SRGAP2C: variants seen among roughly 807,000 people sequenced by gnomAD.
SRGAP2C encodes SLIT-ROBO Rho GTPase-activating protein 2C.
A neutral mutation model predicts 25.1 loss-of-function variants in SRGAP2C; 15 were observed. That is an observed-to-expected ratio of 0.60 (90% CI 0.40 to 0.92). The LOEUF is 0.92. SRGAP2C is among the 40% of genes least tolerant of loss of function. The probability of loss-of-function intolerance (pLI) is 0.00; values close to 1 mark genes in which losing one functional copy is unlikely to be tolerated. For synonymous variants in SRGAP2C, 44 were observed against 96.6 expected, an observed-to-expected ratio of 0.46 and a Z score of 3.19; for missense variants, 144 against 264.4, an observed-to-expected ratio of 0.54 and a Z score of 3.16.
chr1:121,259,739 A>G (rs1656568844), intron 2 of SRGAP2C, among the ~76,000 whole-genome samples: 2 of 151,232 alleles, frequency 1.3e-5, no homozygotes, highest in Non-Finnish European at 3.0e-5. Flanking sequence ...GAATATATAA[A>G]TTGCTAGTGT....
chr1:121,358,674 G>A (rs1339028301), intron 4 of SRGAP2C, among the ~76,000 whole-genome samples: 1 of 145,990 alleles, frequency 6.8e-6, no homozygotes, highest in Admixed American at 6.9e-5. Context: ...TACTGAAGCT[G>A]GATCATTATA....
At chr1:121,279,949 T>G (rs1247045736) in intron 2 of SRGAP2C, among the ~76,000 whole-genome samples, 48 of 151,080 alleles carry the variant, frequency 3.2e-4, no homozygotes, top group African/African-American at 1.1e-3. Context: ...GTTGGGTTAT[T>G]TTCCCCTTCA....
At chr1:121,191,504 C>T (rs1186013881) in intron 2 of SRGAP2C, among the ~76,000 whole-genome samples, 4 of 148,428 alleles carry the variant, frequency 2.7e-5, no homozygotes, top group Middle Eastern at 6.5e-3. Context: ...ATGGGGAGGG[C>T]TGATGTACAT....
At chr1:121,254,273 C>T (rs1344209689) in intron 2 of SRGAP2C, among the ~76,000 whole-genome samples, 4 of 120,838 alleles carry the variant, frequency 3.3e-5, no homozygotes, top group Non-Finnish European at 7.1e-5. Context: ...CTTTCCCCAA[C>T]CCCCTAGTTT....
chr1:121,304,998 C>A (rs1470225752), intron 3 of SRGAP2C, among the ~76,000 whole-genome samples: 1 of 152,140 alleles, frequency 6.6e-6, no homozygotes, highest in Non-Finnish European at 1.5e-5. Flanking sequence ...TAAGTCAGGG[C>A]TTTAGCAGAA....
At chr1:121,354,337 CTCTCTCTCTT>C (rs1284949736) in intron 4 of SRGAP2C, among the ~76,000 whole-genome samples, 2 of 63,680 alleles carry the variant, frequency 3.1e-5, no homozygotes, top group African/African-American at 7.8e-5. Context: ...TTTTCTTTCT[CTCTCTCTCTT>C]TCTCTCTCTC....
intron 2 of SRGAP2C, among the ~76,000 whole-genome samples, chr1:121,233,111 A>G: frequency 7.6e-6 from 1 of 131,696 alleles, no homozygotes; most frequent in African/African-American, 2.9e-5. Flanking sequence ...GAGTTCAAAC[A>G]ACTGAGGTGG....
intron 4 of SRGAP2C, among the ~76,000 whole-genome samples, chr1:121,335,659 C>T (rs1357307771): frequency 6.6e-6 from 1 of 150,856 alleles, no homozygotes; most frequent in African/African-American, 2.4e-5. Flanking sequence ...CGCTGTGGTT[C>T]CCAGGCTAGG....
intron 2 of SRGAP2C, among the ~76,000 whole-genome samples, chr1:121,189,107 T>TTTTC (rs1654604755): frequency 1.0e-5 from 1 of 95,260 alleles, no homozygotes; most frequent in Non-Finnish European, 2.1e-5. Context: ...TTTTTTTTTT[T>TTTTC]TTTTTTTTTT....
intron 3 of SRGAP2C, among the ~76,000 whole-genome samples, chr1:121,296,218 C>T (rs1285167841): frequency 6.6e-6 from 1 of 151,840 alleles, no homozygotes; most frequent in African/African-American, 2.4e-5. Context: ...GTATGCAGGG[C>T]TAAAGAGATT....
chr1:121,270,130 A>T (rs1255969256), intron 2 of SRGAP2C, among the ~76,000 whole-genome samples: 2 of 140,372 alleles, frequency 1.4e-5, no homozygotes, highest in African/African-American at 5.2e-5. Flanking sequence ...TCTCAAGACG[A>T]GTTCGTGGGT....
chr1:121,273,954 C>T (rs1553335715), intron 2 of SRGAP2C, among the ~76,000 whole-genome samples: 1 of 151,478 alleles, frequency 6.6e-6, no homozygotes. Context: ...ACAGCCATTG[C>T]AACAGGAACT....
chr1:121,279,814 A>G (rs1432758595), intron 2 of SRGAP2C, among the ~76,000 whole-genome samples: 5 of 141,284 alleles, frequency 3.5e-5, no homozygotes, highest in African/African-American at 1.3e-4. Flanking sequence ...TGTCATGGCC[A>G]AGCCTACGGC....
At chr1:121,384,922 C>G (rs1343574096) in intron 8 of SRGAP2C, among the ~76,000 whole-genome samples, 2 of 152,328 alleles carry the variant, frequency 1.3e-5, no homozygotes, top group East Asian at 3.9e-4. Flanking sequence ...TCTGCCAGGG[C>G]CCTCCCTTTA....
At chr1:121,372,879 G>GCACACACA (rs199523525) in intron 5 of SRGAP2C, among the ~76,000 whole-genome samples, 1 of 63,200 alleles carries the variant, frequency 1.6e-5, no homozygotes, top group Non-Finnish European at 3.4e-5. Context: ...ACACACACAT[G>GCACACACA]CACACACACA....
At chr1:121,310,740 T>A (rs1490652868) in intron 3 of SRGAP2C, among the ~76,000 whole-genome samples, 2 of 88,300 alleles carry the variant, frequency 2.3e-5, no homozygotes, top group African/African-American at 8.0e-5. Context: ...GTTGTAGGTA[T>A]GCGGCGTTAT....
chr1:121,294,586 G>GGC (rs1657557006), intron 3 of SRGAP2C, among the ~76,000 whole-genome samples: 1 of 75,824 alleles, frequency 1.3e-5, no homozygotes, highest in Non-Finnish European at 2.9e-5. Flanking sequence ...ATAATGCATT[G>GGC]GCTGTTTTTT....
rs1247317584 is a variant in SRGAP2C, at chr1:121,318,678, C to T, written c.261-5800C>T. Among the ~76,000 whole-genome samples the T allele has an allele frequency of 3.4e-5, 3 of 87,242 alleles. 1 individual carries two copies. The South Asian group carries it at 9.5e-4, about 28-fold the overall frequency. The allele number at this position is 87,242 out of a possible 152,430, so 57.2% of individuals were successfully genotyped here. A position where few individuals can be genotyped will look rare whatever the true frequency, so the allele number is the denominator to read the frequency against. On this transcript the variant is annotated intron_variant, in intron 3 of 9. Coordinates refer to ENST00000367123, the MANE Select transcript of SRGAP2C (RefSeq NM_001329984.2). ...TTAGATGTATTGATAGTTGCCATCT[C>T]GCTATGCAGATTGGCAGGTTTGATA... is the stretch of plus-strand genomic sequence containing the variant.
chr1:121,351,675 A>G (rs1270534745), intron 4 of SRGAP2C, among the ~76,000 whole-genome samples: 1 of 150,666 alleles, frequency 6.6e-6, no homozygotes, highest in Non-Finnish European at 1.5e-5. Context: ...AGCATCCCAA[A>G]TGTTAATGAA....
Sources: gnomAD v4.1 joint callset for allele counts (sites outside exome capture counted in the v4.1 genomes callset) on GRCh38, gnomAD v4.1.1 for gene constraint, MANE v1.5 for transcripts, NCBI Gene and HGNC (gene_info 2026-07-23, HGNC 2026-07-21) for gene names.